The following BRD2 variants were observed in gnomAD, a reference collection of about 807,000 sequenced individuals.
BRD2 encodes the protein bromodomain containing 2.
BRD2 carries 15 observed loss-of-function variants against 79.1 expected under a neutral mutation model. That is an observed-to-expected ratio of 0.19 (90% confidence interval 0.13 to 0.29). The LOEUF (loss-of-function observed/expected upper bound fraction) is 0.29, where lower values mean the gene tolerates loss of function less well. Ranked by LOEUF, BRD2 falls within the 10% of genes least tolerant of loss-of-function variation. The pLI, the probability that BRD2 is intolerant of heterozygous loss-of-function variation, is 1.00. For missense variants in BRD2, 1,053 were observed against 991.3 expected, an observed-to-expected ratio of 1.06 and a Z score of -0.84; for synonymous variants, 488 against 358.6, an observed-to-expected ratio of 1.36 and a Z score of -4.08.
At position 32,976,395 on chromosome 6, in the gene BRD2, G is replaced by T; in HGVS notation, c.756G>T (p.Lys252Asn). ...CAGTCATTTCCTCTCCACTTCTCAA[G>T]TCCTTGCACTCTGCTGGACCCCCGC... ...HPSVISSPLL[K>N]SLHSAGPPLL... The change falls in exon 6 of 13, where the codon AAG becomes AAT. Residue 252 changes from lysine to asparagine, a missense_variant. Transcript: ENST00000374825. The T allele has an allele frequency of 6.2e-7, 1 of 1,612,806 alleles. No individual in the cohort carries two copies. The highest frequency in any genetic ancestry group is 1.1e-5 in the South Asian group (1 of 91,076).
chr6:32,980,440 T>G lies in BRD2; in HGVS notation c.2245T>G (p.Ser749Ala). ...RLQDVSGQLN[S>A]TKKPPKKANE... ...ACAAGATGTCAGCGGACAGCTCAATTCTACTAAAAAGCCCCCCAAGAAAGG... is the reference window on the plus strand; with the variant it reads ...ACAAGATGTCAGCGGACAGCTCAATGCTACTAAAAAGCCCCCCAAGAAAGG... Residue 749 changes from serine to alanine, a missense_variant, in exon 12 of 13, where the codon TCT becomes GCT. Coordinates refer to ENST00000374825, the MANE Select transcript of BRD2 (RefSeq NM_005104.4). 3 of 1,613,062 alleles carry G rather than the reference T, an allele frequency of 1.9e-6. No individual in the cohort carries two copies. The highest frequency in any genetic ancestry group is 2.5e-6 in the Non-Finnish European group (3 of 1,180,022).
rs1334548088 is a variant in BRD2, at chr6:32,972,263, G to A, written c.-636G>A. On this transcript the variant is annotated 5_prime_UTR_variant, in exon 2 of 13. Coordinates refer to ENST00000374825, the MANE Select transcript of BRD2 (RefSeq NM_005104.4). The stretch of plus-strand genomic sequence containing the variant: ...GGAGGATTCTGCCTACCGATACAGA[G>A]CCTTCGAGTCGTCCGGGGCCGCCAT... 4 of 447,410 alleles carry A rather than the reference G, an allele frequency of 8.9e-6. No homozygotes were observed. Among genetic ancestry groups the A allele is most frequent in the African/African-American group, 2.0e-5 (1 of 49,986 alleles). The allele number at this position is 447,410 out of a possible 1,614,324, so 27.7% of individuals were successfully genotyped here. A position where few individuals can be genotyped will look rare whatever the true frequency, so the allele number is the denominator to read the frequency against.
intron 1 of BRD2, chr6:32,970,902 A>T (rs1777887776): frequency 6.7e-6 from 1 of 149,540 alleles, no homozygotes; most frequent in African/African-American, 2.5e-5. Flanking sequence ...GGGGAGGGCT[A>T]GTCTGAGCCG....
Position 32,976,313 on chromosome 6 carries a change from C to G in BRD2, c.674C>G (p.Ala225Gly), listed in dbSNP as rs1202766128. Residue 225 changes from alanine to glycine, a missense_variant, in exon 6 of 13, where the codon GCC becomes GGC. Coordinates refer to ENST00000374825, the MANE Select transcript of BRD2 (RefSeq NM_005104.4). ...VPAVSSVSHT[A>G]LYTPPPEIPT... ...GCCGTCTCTTCTGTGTCACACACAG[C>G]CCTGTATACTCCTCCACCTGAGATA... is the stretch of plus-strand genomic sequence containing the variant. The G allele has an allele frequency of 1.9e-6, 3 of 1,612,936 alleles. No homozygotes were observed. The highest frequency in any genetic ancestry group is 2.2e-5 in the South Asian group (2 of 91,086).
At chr6:32,979,633 T>C in intron 10 of BRD2, 195 bp from the exon 11 acceptor site, 2 of 541,098 alleles carry the variant, frequency 3.7e-6, no homozygotes, top group Non-Finnish European at 6.2e-6. Flanking sequence ...AGACATGTTA[T>C]TGCCTACTTA....
chr6:32,979,052 TTTTTGTTAGTTTGTTTTTTGTTTTG>T (rs1219081880), intron 10 of BRD2: 3 of 102,860 alleles, frequency 2.9e-5, no homozygotes, highest in African/African-American at 6.1e-5. Flanking sequence ...GTTTTGTTTT[TTTTTGTTAGTTTGTTTTTTGTTTTG>T]TTTTTTTTAA....
chr6:32,974,931 T>G (rs554712326), intron 3 of BRD2, 166 bp downstream of exon 3: 6 of 1,402,642 alleles, frequency 4.3e-6, no homozygotes, highest in East Asian at 5.0e-5. Flanking sequence ...TTGTGATTGA[T>G]CCGACCGCTT....
At chr6:32,971,511 T>C (rs1777972272) in intron 1 of BRD2, 84 bp from the exon 2 acceptor site, 3 of 430,996 alleles carry the variant, frequency 7.0e-6, no homozygotes, top group Admixed American at 8.5e-5. Context: ...TTAGATCCCC[T>C]CATCGCCGTT....
intron 4 of BRD2, 148 bp downstream of exon 4, chr6:32,975,669 A>G: frequency 3.1e-6 from 3 of 952,408 alleles, no homozygotes; most frequent in Middle Eastern, 3.3e-4. Flanking sequence ...ACCTGACTCT[A>G]GATGGTACTA....
chr6:32,972,203 T>C lies in BRD2; in HGVS notation c.-696T>C. 1.9e-6 allele frequency: 1 copy of C among 538,882 alleles called. No individual in the cohort carries two copies. Among genetic ancestry groups the C allele is most frequent in the South Asian group, 1.9e-5 (1 of 52,260 alleles). The allele number at this position is 538,882 out of a possible 1,614,324, so 33.4% of individuals were successfully genotyped here. On this transcript the variant is annotated 5_prime_UTR_variant, in exon 2 of 13. Transcript: ENST00000374825. Reference sequence around the variant, plus strand: ...CTGGCGCGGGGCTCGGCGGCGCCATTTCGTGCTGGAGTGGAGCAGCCTCTA... The same window carrying C: ...CTGGCGCGGGGCTCGGCGGCGCCATCTCGTGCTGGAGTGGAGCAGCCTCTA...
chr6:32,979,705 C>T, intron 10 of BRD2, 123 bp from the exon 11 acceptor site: 2 of 1,173,154 alleles, frequency 1.7e-6, no homozygotes, highest in Non-Finnish European at 2.4e-6. Context: ...CTTACTTGGC[C>T]ATTGAATGGA....
intron 8 of BRD2, 59 bp downstream of exon 8, chr6:32,977,629 G>T: frequency 6.2e-7 from 1 of 1,606,532 alleles, no homozygotes; most frequent in Non-Finnish European, 8.5e-7. Context: ...TTTGTCATGT[G>T]TGCTGCATAG....
chr6:32,980,287 C>T, intron 11 of BRD2, 55 bp from the exon 12 acceptor site: 2 of 1,603,882 alleles, frequency 1.2e-6, no homozygotes, highest in South Asian at 1.1e-5. Flanking sequence ...CTTAGGGGCC[C>T]ATAATAAGAT....
At position 32,980,695 on chromosome 6, in the gene BRD2, A is replaced by AC. The variant is rs1468404289; in HGVS notation, c.2385dup (p.Ser796GlnfsTer2). On this transcript the variant is annotated frameshift_variant, in exon 13 of 13. Coordinates refer to ENST00000374825, the MANE Select transcript of BRD2 (RefSeq NM_005104.4). LOFTEE classifies it high-confidence loss of function. Reference sequence around the variant, plus strand: ...CTCTTCCTCGTCGTCGTCTTCAGACACCAGTGATTCAGACTCAGGCTAAGG... The same window carrying AC: ...CTCTTCCTCGTCGTCGTCTTCAGACACCCAGTGATTCAGACTCAGGCTAAGG... The AC allele has an allele frequency of 6.2e-7, 1 of 1,612,896 alleles. No homozygotes were observed. The highest frequency in any genetic ancestry group is 8.5e-7 in the Non-Finnish European group (1 of 1,180,034).
chr6:32,974,931 TCCGA>T, intron 3 of BRD2, 166 bp downstream of exon 3: 1 of 1,402,642 alleles, frequency 7.1e-7, no homozygotes, highest in Non-Finnish European at 9.7e-7. Context: ...TTGTGATTGA[TCCGA>T]CCGCTTGCTG....
Position 32,980,886 on chromosome 6 carries a change from T to A in BRD2, c.*168T>A. On this transcript the variant is annotated 3_prime_UTR_variant, in exon 13 of 13. Transcript: ENST00000374825. ...GGGGGAGGGATGCAGGGACATTTAC[T>A]GAAGGAGGGACATGGACAAAACAAC... 1.3e-6 allele frequency: 1 copy of A among 758,888 alleles called. No individual in the cohort carries two copies. Among genetic ancestry groups the A allele is most frequent in the East Asian group, 2.7e-5 (1 of 36,930 alleles). 47.0% of individuals were successfully genotyped at this position (758,888 alleles called of 1,614,324 possible).
chr6:32,980,747 T>G lies in BRD2; in HGVS notation c.*29T>G. ...GTCAGGCCAGATGGGGCAGGAAGGCTCCGCAGGACCGGACCCCTAGACCAC... is the reference window on the plus strand; with the variant it reads ...GTCAGGCCAGATGGGGCAGGAAGGCGCCGCAGGACCGGACCCCTAGACCAC... On this transcript the variant is annotated 3_prime_UTR_variant, in exon 13 of 13. Coordinates refer to ENST00000374825, the MANE Select transcript of BRD2 (RefSeq NM_005104.4). 1 of 1,611,174 alleles carries G rather than the reference T, an allele frequency of 6.2e-7. No homozygotes were observed. The highest frequency in any genetic ancestry group is 8.5e-7 in the Non-Finnish European group (1 of 1,179,850).
chr6:32,979,957 A>T lies in BRD2; in HGVS notation c.1971A>T (p.Leu657Phe). The change falls in exon 11 of 13, where the codon TTA (leucine) becomes TTT (phenylalanine). Residue 657 changes from leucine to phenylalanine, a missense_variant. Around this residue, in one of 5 missense-constraint regions of BRD2, gnomAD observed 44 missense variants for 73.7 expected, o/e 0.60. Coordinates refer to ENST00000374825, the MANE Select transcript of BRD2 (RefSeq NM_005104.4). Reference sequence around the variant, plus strand: ...AGCTGAGCCTGGACATCAACAAATTACCTGGGGAGAAGCTGGGCCGAGTTG... The same window carrying T: ...AGCTGAGCCTGGACATCAACAAATTTCCTGGGGAGAAGCTGGGCCGAGTTG... The part of the protein sequence containing the change: ...KRQLSLDINK[L>F]PGEKLGRVVH... 1 of 1,613,160 alleles carries T rather than the reference A, an allele frequency of 6.2e-7. No individual in the cohort carries two copies. Among genetic ancestry groups the T allele is most frequent in the Non-Finnish European group, 8.5e-7 (1 of 1,180,010 alleles).
rs775470105 is a variant in BRD2, at chr6:32,974,454, C to T, written c.30-8C>T. 6.2e-6 allele frequency: 10 copies of T among 1,604,836 alleles called. No homozygotes were observed. The highest frequency in any genetic ancestry group is 2.2e-5 in the East Asian group (1 of 44,636). The stretch of plus-strand genomic sequence containing the variant: ...GATATTGCCCTAATTTTGTTCCCAT[C>T]TTTACAGGCTCCCTGGGGAAGGGAA... On this transcript the variant is annotated splice_region_variant and splice_polypyrimidine_tract_variant and intron_variant, in intron 2 of 12. Transcript: ENST00000374825.
Sources: allele counts gnomAD v4.1 joint callset, GRCh38; gene constraint gnomAD v4.1.1; regional missense constraint gnomAD v4.1.1; transcripts MANE v1.5; gene names NCBI Gene and HGNC (gene_info 2026-07-23, HGNC 2026-07-21).